Variants in SYNPR observed in about 807,000 individuals in gnomAD.
SYNPR encodes synaptoporin.
Under a neutral mutation model 32.9 loss-of-function variants are expected in SYNPR, and 23 were observed. That is an observed-to-expected ratio of 0.70 (90% CI 0.50 to 0.99). The LOEUF (loss-of-function observed/expected upper bound fraction) is 0.99, where lower values mean the gene tolerates loss of function less well. Among genes scored for constraint, SYNPR ranks in the 50% least tolerant of loss-of-function variants. The pLI is 0.00. For missense variants in SYNPR, 318 were observed against 349.3 expected, an observed-to-expected ratio of 0.91 and a Z score of 0.71; for synonymous variants, 146 against 135.9, an observed-to-expected ratio of 1.07 and a Z score of -0.52.
At position 63,484,268 on chromosome 3, in the gene SYNPR, C is replaced by T. The variant is rs1282114043; in HGVS notation, c.209+3312C>T. ...CCTTATTATTTGTGATTACAATGAA[C>T]AACTATTACTTAACTGTTTTCTCAT... is the stretch of plus-strand genomic sequence containing the variant. On this transcript the variant is annotated intron_variant, in intron 3 of 5. Coordinates refer to ENST00000478300, the MANE Select transcript of SYNPR (RefSeq NM_001130003.2). Among the ~76,000 whole-genome samples, 4 of 152,180 alleles carry T rather than the reference C, an allele frequency of 2.6e-5. No individual in the cohort carries two copies. In the East Asian group the frequency reaches 7.7e-4, roughly 29 times the overall value.
intron 2 of SYNPR, among the ~76,000 whole-genome samples, chr3:63,257,271 T>C (rs1409398557): frequency 6.6e-6 from 1 of 152,086 alleles, no homozygotes; most frequent in African/African-American, 2.4e-5. Flanking sequence ...AATTGTCAGA[T>C]TCACCAAAGT....
intron 2 of SYNPR, among the ~76,000 whole-genome samples, chr3:63,443,983 T>G (rs1274905814): frequency 1.3e-5 from 2 of 152,216 alleles, no homozygotes; most frequent in Non-Finnish European, 2.9e-5. Context: ...GAGTTTCCCC[T>G]ACGATTGGAT....
chr3:63,507,906 T>C (rs1701620470), intron 3 of SYNPR, among the ~76,000 whole-genome samples: 2 of 151,962 alleles, frequency 1.3e-5, no homozygotes, highest in Non-Finnish European at 2.9e-5. Context: ...AAGTCACAGG[T>C]ATAATTTTAA....
chr3:63,384,180 CAG>C (rs1289652552), intron 2 of SYNPR, among the ~76,000 whole-genome samples: 1 of 152,242 alleles, frequency 6.6e-6, no homozygotes, highest in African/African-American at 2.4e-5. Context: ...TGAACAAGTG[CAG>C]AGAGGATTGT....
In SYNPR at chr3:63,309,989, C is replaced by G. The variant is rs368968421; in HGVS notation, c.84+31247C>G. 6.6e-5 allele frequency among the ~76,000 whole-genome samples: 10 copies of G among 151,986 alleles called. 1 individual carries two copies. The highest frequency in any genetic ancestry group is 2.4e-4 in the African/African-American group (10 of 41,512). On this transcript the variant is annotated intron_variant, in intron 2 of 5. Coordinates refer to ENST00000478300, the MANE Select transcript of SYNPR (RefSeq NM_001130003.2). ...AACAGACTGTATTTAAAGCCCTCTTCTGTGTACCCACTCTTCAGCCCTCAG... is the reference window on the plus strand; with the variant it reads ...AACAGACTGTATTTAAAGCCCTCTTGTGTGTACCCACTCTTCAGCCCTCAG...
Position 63,467,394 on chromosome 3 carries a change from C to T in SYNPR, c.85-13438C>T, listed in dbSNP as rs75892976. ...TTTGTTCCCTAGTATTTTCTAACAG[C>T]GACCAATTCAATTTTTTGGGTTACT... On this transcript the variant is annotated intron_variant, in intron 2 of 5. Coordinates refer to ENST00000478300, the MANE Select transcript of SYNPR (RefSeq NM_001130003.2). Among the ~76,000 whole-genome samples, 1,372 of 152,218 alleles carry T rather than the reference C, an allele frequency of 9.0e-3. 53 individuals carry two copies. The East Asian group carries it at 0.13, about 15-fold the overall frequency.
chr3:63,281,563 T>C (rs1170807588), intron 2 of SYNPR, among the ~76,000 whole-genome samples: 1 of 152,152 alleles, frequency 6.6e-6, no homozygotes, highest in Non-Finnish European at 1.5e-5. Flanking sequence ...GATGGAGCCT[T>C]CTTGCTGTGT....
chr3:63,439,822 A>T (rs1355205915), intron 2 of SYNPR, among the ~76,000 whole-genome samples: 2 of 152,186 alleles, frequency 1.3e-5, no homozygotes, highest in Non-Finnish European at 2.9e-5. Flanking sequence ...CTCCTTTGAA[A>T]AAATTAGGTT....
intron 2 of SYNPR, among the ~76,000 whole-genome samples, chr3:63,451,469 A>G (rs1296187797): frequency 6.6e-6 from 1 of 152,190 alleles, no homozygotes; most frequent in African/African-American, 2.4e-5. Flanking sequence ...ACCAAATGCA[A>G]TATGTATAAA....
intron 2 of SYNPR, among the ~76,000 whole-genome samples, chr3:63,352,082 G>A (rs2087517436): frequency 6.6e-6 from 1 of 152,108 alleles, no homozygotes; most frequent in Admixed American, 6.6e-5. Context: ...AGGCTGAGAG[G>A]ACAGTAAGTC....
chr3:63,295,342 G>A (rs1048067987), intron 2 of SYNPR, among the ~76,000 whole-genome samples: 1 of 152,090 alleles, frequency 6.6e-6, no homozygotes, highest in Non-Finnish European at 1.5e-5. Flanking sequence ...CCTCTTTTCA[G>A]GCAAGAAATC....
intron 3 of SYNPR, among the ~76,000 whole-genome samples, chr3:63,521,488 T>G (rs1460629699): frequency 6.6e-6 from 1 of 152,182 alleles, no homozygotes; most frequent in African/African-American, 2.4e-5. Flanking sequence ...GGAGCGTACT[T>G]GGCAATCCAG....
chr3:63,238,961 T>G (rs2086218102), intron 1 of SYNPR, among the ~76,000 whole-genome samples: 1 of 152,114 alleles, frequency 6.6e-6, no homozygotes, highest in Non-Finnish European at 1.5e-5. Flanking sequence ...TTGTTTAATT[T>G]AAAAAATAAA....
chr3:63,516,962 T>G (rs1429244705), intron 3 of SYNPR, among the ~76,000 whole-genome samples: 4 of 152,180 alleles, frequency 2.6e-5, no homozygotes, highest in African/African-American at 9.6e-5. Flanking sequence ...GTGATGTTAT[T>G]TAACCTGTCT....
chr3:63,494,408 T>TATACACAC (rs1432069622), intron 3 of SYNPR, among the ~76,000 whole-genome samples: 2 of 126,586 alleles, frequency 1.6e-5, no homozygotes, highest in African/African-American at 3.3e-5. Context: ...TATATATATA[T>TATACACAC]ATATATATAC....
chr3:63,435,269 C>T (rs6771616), intron 2 of SYNPR, among the ~76,000 whole-genome samples: 2,220 of 152,198 alleles, frequency 0.015, 50 homozygotes, highest in African/African-American at 0.045. Context: ...TTATCATTTT[C>T]GTTTGTAAAA....
intron 2 of SYNPR, among the ~76,000 whole-genome samples, chr3:63,279,868 T>C (rs1412515115): frequency 6.6e-6 from 1 of 152,222 alleles, no homozygotes; most frequent in Non-Finnish European, 1.5e-5. Flanking sequence ...ATATCAATAT[T>C]GCATACACCA....
At chr3:63,361,015 G>A (rs952488236) in intron 2 of SYNPR, among the ~76,000 whole-genome samples, 1 of 152,146 alleles carries the variant, frequency 6.6e-6, no homozygotes, top group Admixed American at 6.5e-5. Context: ...ATGGACAATC[G>A]ATAAATATCG....
At chr3:63,222,001 G>A in the SYNPR span, among the ~76,000 whole-genome samples, 1 of 79,670 alleles carries the variant, frequency 1.3e-5, no homozygotes, top group African/African-American at 4.2e-5. Flanking sequence ...TGTGCAAGAG[G>A]CCATGCTCAA....
Sources: allele counts gnomAD v4.1 joint callset (sites outside exome capture counted in the v4.1 genomes callset), GRCh38; gene constraint gnomAD v4.1.1; transcripts MANE v1.5; gene names NCBI Gene and HGNC (gene_info 2026-07-23, HGNC 2026-07-21).